The following IQSEC3 variants were observed in gnomAD, a reference collection of about 807,000 sequenced individuals.
The protein encoded by IQSEC3 is IQ motif and SEC7 domain-containing protein 3.
Under a neutral mutation model 105.4 loss-of-function variants are expected in IQSEC3, and 50 were observed. The observed-to-expected ratio is 0.47, with a 90% CI of 0.38 to 0.60. IQSEC3 has a LOEUF of 0.60. Among genes scored for constraint, IQSEC3 ranks in the 20% least tolerant of loss-of-function variants. The pLI, the probability that IQSEC3 is intolerant of heterozygous loss-of-function variation, is 0.00. For missense variants in IQSEC3, 1,415 were observed against 1,630.0 expected (o/e 0.87, Z 2.27); for synonymous variants, 708 against 746.0 (o/e 0.95, Z 0.83).
chr12:71,667 C>G (rs1863324239), intron 1 of IQSEC3, among the ~76,000 whole-genome samples: 1 of 152,282 alleles, frequency 6.6e-6, no homozygotes, highest in African/African-American at 2.4e-5. Context: ...TGATACAGCC[C>G]TCTGCTCATC....
At position 138,749 on chromosome 12, in the gene IQSEC3, G is replaced by T; in HGVS notation, c.1386G>T (p.Gly462=). 2.6e-6 allele frequency: 4 copies of T among 1,540,616 alleles called. No homozygotes were observed. The highest frequency in any genetic ancestry group is 3.5e-6 in the Non-Finnish European group (4 of 1,148,750). ...EGRAPESAGP[G]PGDDAAETPG... Reference sequence around the variant, plus strand: ...GGGCGCCGGAGAGCGCGGGCCCCGGGCCCGGGGATGACGCCGCGGAGACCC... The same window carrying T: ...GGGCGCCGGAGAGCGCGGGCCCCGGTCCCGGGGATGACGCCGCGGAGACCC... The change falls in exon 4 of 14, where the codon GGG becomes GGT. Residue 462 remains glycine (G), a synonymous_variant. Coordinates refer to ENST00000538872, the MANE Select transcript of IQSEC3 (RefSeq NM_001170738.2). The surrounding 1 kb of genome is among the most constrained non-coding windows in gnomAD (Gnocchi z 7.1).
chr12:168,427 C>T (rs1032520319), intron 11 of IQSEC3, among the ~76,000 whole-genome samples: 1 of 148,222 alleles, frequency 6.7e-6, no homozygotes. Context: ...TCCCAGGCGC[C>T]GGGTGGAGAG....
At chr12:171,668 G>A (rs1939005129) in intron 13 of IQSEC3, among the ~76,000 whole-genome samples, 1 of 151,852 alleles carries the variant, frequency 6.6e-6, no homozygotes, top group Non-Finnish European at 1.5e-5. Flanking sequence ...CTGGGGCTAG[G>A]TTGGAGAATT....
intron 1 of IQSEC3, among the ~76,000 whole-genome samples, chr12:93,256 G>A (rs1402454513): frequency 6.6e-6 from 1 of 152,174 alleles, no homozygotes; most frequent in Admixed American, 6.5e-5. Flanking sequence ...GTGGTGGCAG[G>A]ACCTCAAGCC....
intron 6 of IQSEC3, 124 bp downstream of exon 6, chr12:157,271 T>TGCCCACACCAGAAG: frequency 7.4e-7 from 1 of 1,350,126 alleles, no homozygotes; most frequent in Non-Finnish European, 9.9e-7. Context: ...ACACCCCTTC[T>TGCCCACACCAGAAG]GGTGTGGGCA....
chr12:110,645 C>G (rs1025188038), intron 2 of IQSEC3, among the ~76,000 whole-genome samples: 7 of 151,998 alleles, frequency 4.6e-5, no homozygotes, highest in African/African-American at 1.7e-4. Flanking sequence ...ATAATCATTC[C>G]CCTCTCTTCC....
At chr12:87,183 GC>G (rs1565385470) in intron 1 of IQSEC3, among the ~76,000 whole-genome samples, 1 of 152,108 alleles carries the variant, frequency 6.6e-6, no homozygotes, top group Non-Finnish European at 1.5e-5. Context: ...TGCTAGAGGG[GC>G]TTGGAGGATG....
intron 8 of IQSEC3, among the ~76,000 whole-genome samples, chr12:162,893 G>C (rs1237575964): frequency 1.3e-5 from 2 of 152,118 alleles, no homozygotes; most frequent in Non-Finnish European, 2.9e-5. Flanking sequence ...TGCCCTCAAG[G>C]TTACGGAGGG....
At position 175,327 on chromosome 12, in the gene IQSEC3, A is replaced by G. The variant is rs1423302977; in HGVS notation, c.*294A>G. ...GGCCACCACTTTCCCCCATTGGACC[A>G]TGGACTGAAGAAAACGAGCTGAGGG... is the stretch of plus-strand genomic sequence containing the variant. On this transcript the variant is annotated 3_prime_UTR_variant, in exon 14 of 14. Coordinates refer to ENST00000538872, the MANE Select transcript of IQSEC3 (RefSeq NM_001170738.2). 2.5e-6 allele frequency: 1 copy of G among 393,656 alleles called. No individual in the cohort carries two copies. Among genetic ancestry groups the G allele is most frequent in the Non-Finnish European group, 4.5e-6 (1 of 220,722 alleles). 24.4% of individuals were successfully genotyped at this position (393,656 alleles called of 1,614,324 possible).
chr12:121,244 C>T (rs1244220659), intron 2 of IQSEC3, among the ~76,000 whole-genome samples: 1 of 152,216 alleles, frequency 6.6e-6, no homozygotes, highest in Admixed American at 6.5e-5. Flanking sequence ...GAGCGATGGG[C>T]TTCCAGTTCC....
intron 12 of IQSEC3, among the ~76,000 whole-genome samples, chr12:170,791 G>C (rs1377744151): frequency 6.6e-6 from 1 of 152,240 alleles, no homozygotes; most frequent in Non-Finnish European, 1.5e-5. Context: ...GCTGATGAAC[G>C]TGGCGCCCAC....
chr12:115,069 G>T (rs544035252), intron 2 of IQSEC3, among the ~76,000 whole-genome samples: 1 of 152,224 alleles, frequency 6.6e-6, no homozygotes, highest in African/African-American at 2.4e-5. Flanking sequence ...GACGTTAACT[G>T]CAGGGAAACA....
intron 1 of IQSEC3, among the ~76,000 whole-genome samples, chr12:94,205 C>T (rs1444601681): frequency 2.6e-5 from 4 of 152,206 alleles, no homozygotes; most frequent in Admixed American, 6.5e-5. Flanking sequence ...GGACTCCCTG[C>T]CTGGTCTTGG....
At chr12:81,843 A>T (rs1555070784) in intron 1 of IQSEC3, among the ~76,000 whole-genome samples, 1 of 152,214 alleles carries the variant, frequency 6.6e-6, no homozygotes, top group Non-Finnish European at 1.5e-5. Flanking sequence ...GAGAAGGAGC[A>T]CCCAGAGGGA....
At chr12:171,067 G>A in intron 12 of IQSEC3, 45 bp from the exon 13 acceptor site, 5 of 1,611,330 alleles carry the variant, frequency 3.1e-6, no homozygotes, top group Non-Finnish European at 4.2e-6. Context: ...GCAGGGGCTT[G>A]GCTCAGCCGG....
chr12:67,678 G>A (rs1222721307), intron 1 of IQSEC3, among the ~76,000 whole-genome samples: 1 of 141,398 alleles, frequency 7.1e-6, no homozygotes. Flanking sequence ...GAGCAAAGGA[G>A]GAAGGAGGTG....
chr12:153,224 A>AT (rs782386944), intron 5 of IQSEC3, among the ~76,000 whole-genome samples: 3 of 152,092 alleles, frequency 2.0e-5, no homozygotes, highest in Non-Finnish European at 4.4e-5. Context: ...AGCAGGGCTT[A>AT]TGGTAGACAG....
intron 1 of IQSEC3, among the ~76,000 whole-genome samples, chr12:86,222 G>C (rs1291070423): frequency 1.3e-5 from 2 of 152,194 alleles, no homozygotes; most frequent in African/African-American, 4.8e-5. Context: ...AGGGTTGGGG[G>C]TGAGCACAAA....
chr12:163,515 C>T lies in IQSEC3; in HGVS notation c.2605C>T (p.Arg869Cys). The change falls in exon 9 of 14, where the codon CGC becomes TGC. Residue 869 changes from arginine to cysteine, a missense_variant. Physicochemically the swap from Arg to Cys is radical, Grantham distance 180 (BLOSUM62 -3). Transcript: ENST00000538872. Reference sequence around the variant, plus strand: ...GCAGGTGCTGTCCGTGCCCCACCGCCGCCTGGTGTGCTGCAGCCGGCTCTT... The same window carrying T: ...GCAGGTGCTGTCCGTGCCCCACCGCTGCCTGGTGTGCTGCAGCCGGCTCTT... The part of the protein sequence containing the change: ...MKTVLSVPHR[R>C]LVCCSRLFEV... The T allele has an allele frequency of 4.3e-6, 7 of 1,610,434 alleles. No homozygotes were observed. Among genetic ancestry groups the T allele is most frequent in the Non-Finnish European group, 5.9e-6 (7 of 1,178,650 alleles).
Sources: allele counts gnomAD v4.1 joint callset (sites outside exome capture counted in the v4.1 genomes callset), GRCh38; gene constraint gnomAD v4.1.1; non-coding constraint Gnocchi (gnomAD v3.1); transcripts MANE v1.5; gene names NCBI Gene and HGNC (gene_info 2026-07-23, HGNC 2026-07-21).